The following MTFR1 variants were observed in gnomAD, a reference collection of about 807,000 sequenced individuals.
MTFR1 encodes chondrocyte protein with a poly-proline region.
MTFR1 carries 28 observed loss-of-function variants against 38.8 expected under a neutral mutation model. The ratio of observed to expected loss-of-function variants is 0.72; its 90% CI spans 0.53 to 0.99. The LOEUF is 0.99. Ranked by LOEUF, MTFR1 falls within the 50% of genes least tolerant of loss-of-function variation. MTFR1 has a pLI of 0.00. For missense variants in MTFR1, 358 were observed against 395.5 expected, an observed-to-expected ratio of 0.91 and a Z score of 0.81; for synonymous variants, 145 against 137.0, an observed-to-expected ratio of 1.06 and a Z score of -0.41.
At chr8:65,736,230 G>C (rs1807122670) in intron 3 of MTFR1, among the ~76,000 whole-genome samples, 1 of 152,128 alleles carries the variant, frequency 6.6e-6, no homozygotes, top group African/African-American at 2.4e-5. Context: ...ATACCAACAT[G>C]GCTGATCTGA....
chr8:65,764,732 T>A (rs901821800), intron 3 of MTFR1, among the ~76,000 whole-genome samples: 1 of 151,704 alleles, frequency 6.6e-6, no homozygotes, highest in Non-Finnish European at 1.5e-5. Context: ...ATAATACAAC[T>A]AAGTATGAAA....
At chr8:65,645,614 C>T (rs971733930) in intron 1 of MTFR1, among the ~76,000 whole-genome samples, 2 of 151,758 alleles carry the variant, frequency 1.3e-5, no homozygotes, top group Admixed American at 6.6e-5. Context: ...CAGCCTCCAC[C>T]TCCTGGGCCC....
At chr8:65,739,855 A>C in intron 3 of MTFR1, among the ~76,000 whole-genome samples, 1 of 152,192 alleles carries the variant, frequency 6.6e-6, no homozygotes, top group Non-Finnish European at 1.5e-5. Flanking sequence ...CAAATAGATT[A>C]ATTTTTTAAA....
chr8:65,745,610 A>G (rs1807639296), intron 3 of MTFR1: 1 of 597,336 alleles, frequency 1.7e-6, no homozygotes, highest in African/African-American at 1.9e-5. Flanking sequence ...TCTTTTAATC[A>G]TGACTTTTTC....
At chr8:65,672,742 C>A (rs1299119978) in intron 2 of MTFR1, among the ~76,000 whole-genome samples, 1 of 152,098 alleles carries the variant, frequency 6.6e-6, no homozygotes, top group Non-Finnish European at 1.5e-5. Context: ...CTTCATCTTG[C>A]ACTTTTATGT....
intron 3 of MTFR1, chr8:65,728,137 T>C (rs1010654500): frequency 1.3e-5 from 2 of 152,176 alleles, no homozygotes; most frequent in Admixed American, 1.3e-4. Context: ...AGCATGGTAT[T>C]ATTTAGGTTT....
At chr8:65,655,969 C>CATATATATATATATATATATATATA in intron 1 of MTFR1, among the ~76,000 whole-genome samples, 4 of 56,474 alleles carry the variant, frequency 7.1e-5, no homozygotes, top group Admixed American at 5.0e-4. Context: ...TATATATATA[C>CATATATATATATATATATATATATA]CATATATATA....
intron 3 of MTFR1, among the ~76,000 whole-genome samples, chr8:65,720,758 G>C (rs1158006247): frequency 6.6e-6 from 1 of 152,194 alleles, no homozygotes; most frequent in Non-Finnish European, 1.5e-5. Flanking sequence ...TGAGGAGAAA[G>C]AGATAACAAA....
At chr8:65,698,574 G>T (rs1350560482) in intron 4 of MTFR1, among the ~76,000 whole-genome samples, 2 of 152,160 alleles carry the variant, frequency 1.3e-5, no homozygotes, top group East Asian at 3.9e-4. Context: ...TAGGTTCGGG[G>T]GTACATGTGC....
At chr8:65,659,686 C>T (rs1037012321) in intron 1 of MTFR1, among the ~76,000 whole-genome samples, 1 of 152,070 alleles carries the variant, frequency 6.6e-6, no homozygotes, top group Non-Finnish European at 1.5e-5. Context: ...TTTACAGTAA[C>T]TAGGGGCAAG....
intron 3 of MTFR1, among the ~76,000 whole-genome samples, chr8:65,754,187 T>C (rs926017625): frequency 6.6e-6 from 1 of 152,170 alleles, no homozygotes; most frequent in East Asian, 1.9e-4. Flanking sequence ...GTCTAGTCTT[T>C]CCATGTTTTT....
In MTFR1 at chr8:65,709,369, A is replaced by T. The variant is rs1805878043; in HGVS notation, c.*325A>T. The T allele has an allele frequency of 4.4e-6, 1 of 227,016 alleles. No individual in the cohort carries two copies. The highest frequency in any genetic ancestry group is 1.2e-4 in the South Asian group (1 of 8,552). The allele number at this position is 227,016 out of a possible 1,614,324, so 14.1% of individuals were successfully genotyped here. ...TTTGTGGATGTTACTGCACATTTTA[A>T]ATTCTTAACACTAATTTATCTGTAT... On this transcript the variant is annotated 3_prime_UTR_variant, in exon 8 of 8. Coordinates refer to ENST00000262146, the MANE Select transcript of MTFR1 (RefSeq NM_014637.4).
intron 2 of MTFR1, among the ~76,000 whole-genome samples, chr8:65,678,373 A>G (rs1585769093): frequency 6.6e-6 from 1 of 152,168 alleles, no homozygotes; most frequent in South Asian, 2.1e-4. Context: ...ACTTTTTCCT[A>G]CCATCCAATA....
chr8:65,693,961 G>A (rs1805357170), intron 4 of MTFR1, among the ~76,000 whole-genome samples: 1 of 151,666 alleles, frequency 6.6e-6, no homozygotes, highest in African/African-American at 2.4e-5. Flanking sequence ...GGAGTGCAGT[G>A]GTGTGATCTT....
At chr8:65,761,796 C>T (rs1314366063) in intron 3 of MTFR1, among the ~76,000 whole-genome samples, 4 of 152,196 alleles carry the variant, frequency 2.6e-5, no homozygotes, top group African/African-American at 7.2e-5. Flanking sequence ...TTTTCTGTTG[C>T]TTTCCCCTCC....
chr8:65,775,063 A>C (rs1323623990), downstream of MTFR1, among the ~76,000 whole-genome samples: 1 of 152,216 alleles, frequency 6.6e-6, no homozygotes, highest in Non-Finnish European at 1.5e-5. Context: ...TGGATCATAC[A>C]AGTGTTCAAA....
chr8:65,681,081 T>G (rs1176728451), intron 2 of MTFR1, among the ~76,000 whole-genome samples: 9 of 150,922 alleles, frequency 6.0e-5, no homozygotes, highest in Non-Finnish European at 1.0e-4. Context: ...CCCGGCTAAT[T>G]TTTTGTATTT....
At chr8:65,758,142 T>A (rs1418535471) in intron 3 of MTFR1, among the ~76,000 whole-genome samples, 2 of 152,190 alleles carry the variant, frequency 1.3e-5, no homozygotes, top group African/African-American at 4.8e-5. Flanking sequence ...TTCCCATTCA[T>A]AGAGGGTAGG....
downstream of MTFR1, among the ~76,000 whole-genome samples, chr8:65,771,924 G>C (rs972326296): frequency 6.8e-6 from 1 of 147,306 alleles, no homozygotes; most frequent in Non-Finnish European, 1.5e-5. Context: ...GAAGAAAGAA[G>C]GAAATATCCT....
Sources: gnomAD v4.1 joint callset for allele counts (sites outside exome capture counted in the v4.1 genomes callset) on GRCh38, gnomAD v4.1.1 for gene constraint, MANE v1.5 for transcripts, NCBI Gene and HGNC (gene_info 2026-07-23, HGNC 2026-07-21) for gene names.